OR5H14: variants seen among roughly 807,000 people sequenced by gnomAD.
OR5H14 encodes the protein olfactory receptor family 5 subfamily H member 14, also known as olfactory receptor 5H14.
For synonymous variants in OR5H14, 155 were observed against 130.6 expected, an observed-to-expected ratio of 1.19 and a Z score of -1.28; for missense variants, 392 against 363.9, an observed-to-expected ratio of 1.08 and a Z score of -0.63.
At chr3:98,148,784 T>G (rs552232398) in intron 1 of OR5H14, among the ~76,000 whole-genome samples, 2 of 152,174 alleles carry the variant, frequency 1.3e-5, no homozygotes, top group African/African-American at 4.8e-5. Context: ...ATTTCTACAT[T>G]AAAATCTCAC....
In OR5H14 at chr3:98,149,586, T is replaced by C. The variant is rs759331938; in HGVS notation, c.201T>C (p.Ala67=). 1 of 1,613,572 alleles carries C rather than the reference T, an allele frequency of 6.2e-7. No homozygotes were observed. Among genetic ancestry groups the C allele is most frequent in the Non-Finnish European group, 8.5e-7 (1 of 1,179,592 alleles). The part of the protein sequence containing the change: ...IPMYLLLGNL[A]FVDALLSSSV... ...TGTACTTACTCCTTGGGAATTTAGC[T>C]TTTGTGGATGCTTTGTTATCATCCT... Residue 67 remains alanine (A), a synonymous_variant, in exon 2 of 2, where the codon GCT becomes GCC. Transcript: ENST00000641380.
rs1456572023 is a variant in OR5H14 at position 98,156,499 on chromosome 3, T to C, written c.*6181T>C. ...ATGATAATTCATTATCTTGTTAACC[T>C]GACTATAATGATGTTATAAGTTCTG... On this transcript the variant is annotated 3_prime_UTR_variant, in exon 2 of 2. Transcript: ENST00000641380. 1 of 152,168 alleles carries C rather than the reference T, an allele frequency of 6.6e-6. No homozygotes were observed. Among genetic ancestry groups the C allele is most frequent in the Non-Finnish European group, 1.5e-5 (1 of 67,998 alleles). 9.4% of individuals were successfully genotyped at this position (152,168 alleles called of 1,614,324 possible).
chr3:98,149,247 T>C (rs1172570611), intron 1 of OR5H14, 121 bp from the exon 2 acceptor site: 42 of 1,061,824 alleles, frequency 4.0e-5, no homozygotes, highest in Admixed American at 5.3e-5. Context: ...TTCTTATTTA[T>C]AATAATGATC....
chr3:98,149,981 T>A lies in OR5H14; in HGVS notation c.596T>A (p.Val199Asp), dbSNP rs1486772672. ...GATTCCTCTATTAACTTTCTAATGG[T>A]TTTTATTTTTGCAGGTTCAATTCAA... ...YTDSSINFLM[V>D]FIFAGSIQVF... The change falls in exon 2 of 2, where the codon GTT becomes GAT. Residue 199 changes from valine to aspartate, a missense_variant. By Grantham distance (152) the Val-to-Asp change is radical. Coordinates refer to ENST00000641380, the MANE Select transcript of OR5H14 (RefSeq NM_001005514.2). The A allele has an allele frequency of 6.2e-7, 1 of 1,612,894 alleles. No homozygotes were observed.
Position 98,154,904 on chromosome 3 carries a change from C to T in OR5H14, c.*4586C>T, listed in dbSNP as rs1708563912. 6.6e-6 allele frequency: 1 copy of T among 152,220 alleles called. No homozygotes were observed. The highest frequency in any genetic ancestry group is 1.5e-5 in the Non-Finnish European group (1 of 68,032). 9.4% of individuals were successfully genotyped at this position (152,220 alleles called of 1,614,324 possible). On this transcript the variant is annotated 3_prime_UTR_variant, in exon 2 of 2. Coordinates refer to ENST00000641380, the MANE Select transcript of OR5H14 (RefSeq NM_001005514.2). ...TGGGGATCTGACCACCTTTGTAAAACTCACAGATTATCACAAGATTAGAAA... is the reference window on the plus strand; with the variant it reads ...TGGGGATCTGACCACCTTTGTAAAATTCACAGATTATCACAAGATTAGAAA...
rs1708495737 is a variant in OR5H14 at position 98,150,706 on chromosome 3, T to G, written c.*388T>G. 3 of 154,840 alleles carry G rather than the reference T, an allele frequency of 1.9e-5. No homozygotes were observed. The highest frequency in any genetic ancestry group is 4.3e-5 in the Non-Finnish European group (3 of 69,734). 9.6% of individuals were successfully genotyped at this position (154,840 alleles called of 1,614,324 possible). A position where few individuals can be genotyped will look rare whatever the true frequency, so the allele number is the denominator to read the frequency against. On this transcript the variant is annotated 3_prime_UTR_variant, in exon 2 of 2. Transcript: ENST00000641380. ...ACGTCTATCACATTTATCTTCATAG[T>G]GAATGTTGATGTGTGTTTAGAGGAA...
chr3:98,155,769 C>G lies in OR5H14; in HGVS notation c.*5451C>G, dbSNP rs1374780954. On this transcript the variant is annotated 3_prime_UTR_variant, in exon 2 of 2. Coordinates refer to ENST00000641380, the MANE Select transcript of OR5H14 (RefSeq NM_001005514.2). ...AGCTCTGATGAGACCATATTAATCA[C>G]AGCATTCAAAGCATCCTATTTTATG... 6.6e-6 allele frequency: 1 copy of G among 152,170 alleles called. No individual in the cohort carries two copies. The highest frequency in any genetic ancestry group is 1.5e-5 in the Non-Finnish European group (1 of 68,024). 9.4% of individuals were successfully genotyped at this position (152,170 alleles called of 1,614,324 possible).
rs187452486 is a variant in OR5H14, at chr3:98,150,683, G to A, written c.*365G>A. ...CTAACACAACTGTATGACCCGAGACGTCTATCACATTTATCTTCATAGTGA... is the reference window on the plus strand; with the variant it reads ...CTAACACAACTGTATGACCCGAGACATCTATCACATTTATCTTCATAGTGA... On this transcript the variant is annotated 3_prime_UTR_variant, in exon 2 of 2. Transcript: ENST00000641380. The A allele has an allele frequency of 1.3e-4, 20 of 157,800 alleles. No individual in the cohort carries two copies. The highest frequency in any genetic ancestry group is 1.8e-4 in the Non-Finnish European group (13 of 71,726). 9.8% of individuals were successfully genotyped at this position (157,800 alleles called of 1,614,324 possible).
In OR5H14 at chr3:98,149,312, T is replaced by C. The variant is rs1438803916; in HGVS notation, c.-18-56T>C. On this transcript the variant is annotated intron_variant, in intron 1 of 1. Transcript: ENST00000641380. ...TTTATATCAACACCTCTTTCCCAAT[T>C]TCAACTCATAATGTCATTGCAGATG... is the stretch of plus-strand genomic sequence containing the variant. The C allele has an allele frequency of 2.6e-6, 4 of 1,554,508 alleles. No homozygotes were observed. The African/African-American group carries it at 5.5e-5, about 21-fold the overall frequency.
rs1453502797 is a variant in OR5H14 at position 98,152,304 on chromosome 3, T to TA, written c.*1987dup. Reference sequence around the variant, plus strand: ...CTCAGCAATCCCATTACTGAGTATATACCCAAAGCCTTATAAATCCTTCTA... The same window carrying TA: ...CTCAGCAATCCCATTACTGAGTATATAACCCAAAGCCTTATAAATCCTTCTA... On this transcript the variant is annotated 3_prime_UTR_variant, in exon 2 of 2. Transcript: ENST00000641380. The TA allele has an allele frequency of 6.6e-6, 1 of 152,130 alleles. No individual in the cohort carries two copies. The highest frequency in any genetic ancestry group is 1.5e-5 in the Non-Finnish European group (1 of 68,018). The allele number at this position is 152,130 out of a possible 1,614,324, so 9.4% of individuals were successfully genotyped here. A position where few individuals can be genotyped will look rare whatever the true frequency, so the allele number is the denominator to read the frequency against.
In OR5H14 at chr3:98,150,186, T is replaced by G; in HGVS notation, c.801T>G (p.Ala267=). The change falls in exon 2 of 2, where the codon GCT becomes GCG. Residue 267 remains alanine, a synonymous_variant. Coordinates refer to ENST00000641380, the MANE Select transcript of OR5H14 (RefSeq NM_001005514.2). ...FMYMGSASPQ[A]DDQDMMESLF... ...ATATGGGCTCTGCATCCCCACAGGC[T>G]GATGACCAAGATATGATGGAGTCTC... The G allele has an allele frequency of 1.2e-6, 2 of 1,612,992 alleles. No individual in the cohort carries two copies. The highest frequency in any genetic ancestry group is 8.5e-7 in the Non-Finnish European group (1 of 1,179,596).
Position 98,150,289 on chromosome 3 carries a change from A to C in OR5H14, c.904A>C (p.Thr302Pro). Residue 302 changes from threonine (T) to proline (P), a missense_variant, in exon 2 of 2, where the codon ACA becomes CCA. Coordinates refer to ENST00000641380, the MANE Select transcript of OR5H14 (RefSeq NM_001005514.2). Reference protein sequence around the residue: ...LRNKQVIASFTKMFKRNDV With the variant: ...LRNKQVIASFPKMFKRNDV Reference sequence around the variant, plus strand: ...AAACAAGCAAGTAATAGCTTCATTCACAAAAATGTTCAAAAGAAATGATGT... The same window carrying C: ...AAACAAGCAAGTAATAGCTTCATTCCCAAAAATGTTCAAAAGAAATGATGT... The C allele has an allele frequency of 6.3e-7, 1 of 1,583,838 alleles. No homozygotes were observed. Among genetic ancestry groups the C allele is most frequent in the East Asian group, 2.2e-5 (1 of 44,568 alleles).
chr3:98,150,381 C>A lies in OR5H14; in HGVS notation c.*63C>A, dbSNP rs1331186179. On this transcript the variant is annotated 3_prime_UTR_variant, in exon 2 of 2. Transcript: ENST00000641380. ...CACAAAATTGTGCAAATTAGAGGTA[C>A]CTATGTTTTTGCCAGCATTAAAAGA... 8.6e-7 allele frequency: 1 copy of A among 1,166,160 alleles called. No homozygotes were observed. The allele number at this position is 1,166,160 out of a possible 1,614,324, so 72.2% of individuals were successfully genotyped here.
rs1576106906 is a variant in OR5H14 at position 98,153,269 on chromosome 3, G to T, written c.*2951G>T. On this transcript the variant is annotated 3_prime_UTR_variant, in exon 2 of 2. Transcript: ENST00000641380. Reference sequence around the variant, plus strand: ...AAAGCACCCATGAACAAAATCAACAGAAATAAAACAAATAAAAGTTAATGG... The same window carrying T: ...AAAGCACCCATGAACAAAATCAACATAAATAAAACAAATAAAAGTTAATGG... The T allele has an allele frequency of 6.6e-6, 1 of 151,738 alleles. No individual in the cohort carries two copies. The highest frequency in any genetic ancestry group is 2.1e-4 in the South Asian group (1 of 4,834). The allele number at this position is 151,738 out of a possible 1,614,324, so 9.4% of individuals were successfully genotyped here.
rs1001401268 is a variant in OR5H14 at position 98,153,070 on chromosome 3, G to A, written c.*2752G>A. On this transcript the variant is annotated 3_prime_UTR_variant, in exon 2 of 2. Transcript: ENST00000641380. ...ACAATTTCTATTCTCTTAAAGCAGTGTTTCTTTTATTGGACACTTTGTTTT... is the reference window on the plus strand; with the variant it reads ...ACAATTTCTATTCTCTTAAAGCAGTATTTCTTTTATTGGACACTTTGTTTT... 1 of 152,098 alleles carries A rather than the reference G, an allele frequency of 6.6e-6. No individual in the cohort carries two copies. Among genetic ancestry groups the A allele is most frequent in the East Asian group, 1.9e-4 (1 of 5,184 alleles). The allele number at this position is 152,098 out of a possible 1,614,324, so 9.4% of individuals were successfully genotyped here.
In OR5H14 at chr3:98,155,406, G is replaced by A. The variant is rs373855885; in HGVS notation, c.*5088G>A. ...CATTAGGTGGTTCCGTACAGAGAGG[G>A]AGCAGTTGGAGTTAAGTCAGTCAAT... On this transcript the variant is annotated 3_prime_UTR_variant, in exon 2 of 2. Transcript: ENST00000641380. The A allele has an allele frequency of 3.6e-5, 5 of 139,054 alleles. No homozygotes were observed. Among genetic ancestry groups the A allele is most frequent in the African/African-American group, 1.1e-4 (4 of 38,060 alleles). The allele number at this position is 139,054 out of a possible 1,614,324, so 8.6% of individuals were successfully genotyped here. A position where few individuals can be genotyped will look rare whatever the true frequency, so the allele number is the denominator to read the frequency against.
At position 98,149,916 on chromosome 3, in the gene OR5H14, T is replaced by C; in HGVS notation, c.531T>C (p.Phe177=). The change falls in exon 2 of 2, where the codon TTT becomes TTC. Residue 177 remains phenylalanine, a synonymous_variant. Transcript: ENST00000641380. ...TFCNSNIIQH[F]YCDIIPLLKI... ...GTAACTCCAACATAATACAACACTT[T>C]TACTGTGACATTATCCCATTGTTAA... 2 of 1,613,486 alleles carry C rather than the reference T, an allele frequency of 1.2e-6. No homozygotes were observed. Among genetic ancestry groups the C allele is most frequent in the Non-Finnish European group, 1.7e-6 (2 of 1,179,708 alleles).
In OR5H14 at chr3:98,150,113, C is replaced by T. The variant is rs772736386; in HGVS notation, c.728C>T (p.Ala243Val). The T allele has an allele frequency of 1.2e-6, 2 of 1,610,504 alleles. No individual in the cohort carries two copies. Among genetic ancestry groups the T allele is most frequent in the Non-Finnish European group, 8.5e-7 (1 of 1,178,950 alleles). The change falls in exon 2 of 2, where the codon GCT becomes GTT. Residue 243 changes from alanine (A) to valine (V), a missense_variant. Coordinates refer to ENST00000641380, the MANE Select transcript of OR5H14 (RefSeq NM_001005514.2). ...AGAAAAGCCTTCTCCACCTGTGGAG[C>T]TCATCTCTTATCTGTATCTTTATAC... ...GMRKAFSTCG[A>V]HLLSVSLYYG...
chr3:98,149,618 C>G lies in OR5H14; in HGVS notation c.233C>G (p.Thr78Ser). 1 of 1,613,618 alleles carries G rather than the reference C, an allele frequency of 6.2e-7. No homozygotes were observed. The highest frequency in any genetic ancestry group is 1.3e-5 in the African/African-American group (1 of 75,026). The change falls in exon 2 of 2, where the codon ACT becomes AGT. Residue 78 changes from threonine to serine, a missense_variant. Physicochemically the swap from Thr to Ser is moderately conservative, Grantham distance 58. Coordinates refer to ENST00000641380, the MANE Select transcript of OR5H14 (RefSeq NM_001005514.2). Reference protein sequence around the residue: ...FVDALLSSSVTLKMLINFLAK... With the variant: ...FVDALLSSSVSLKMLINFLAK... The stretch of plus-strand genomic sequence containing the variant: ...GATGCTTTGTTATCATCCTCAGTGA[C>G]TCTGAAGATGCTGATCAACTTCTTA...
Sources: gnomAD v4.1 joint callset for allele counts (sites outside exome capture counted in the v4.1 genomes callset) on GRCh38, gnomAD v4.1.1 for gene constraint, MANE v1.5 for transcripts, NCBI Gene and HGNC (gene_info 2026-07-23, HGNC 2026-07-21) for gene names.